ARF3: variants seen among roughly 807,000 people sequenced by gnomAD.
ARF3 encodes the protein ARF GTPase 3, also known as ADP-ribosylation factor 3.
A neutral mutation model predicts 19.3 loss-of-function variants in ARF3; 5 were observed. The observed-to-expected ratio is 0.26, with a 90% CI of 0.14 to 0.54. The LOEUF is 0.54. ARF3 is among the 20% of genes least tolerant of loss of function. The pLI, the probability that ARF3 is intolerant of heterozygous loss-of-function variation, is 0.95. For missense variants in ARF3, 77 were observed against 234.2 expected, an observed-to-expected ratio of 0.33 and a Z score of 4.38; for synonymous variants, 71 against 89.2, an observed-to-expected ratio of 0.80 and a Z score of 1.15.
chr12:48,948,533 C>G (rs888103154), intron 1 of ARF3, among the ~76,000 whole-genome samples: 1 of 152,094 alleles, frequency 6.6e-6, no homozygotes, highest in African/African-American at 2.4e-5. Flanking sequence ...AGAGTACAGG[C>G]AAGGTGTGGT....
At chr12:48,948,364 C>T (rs776430892) in intron 1 of ARF3, among the ~76,000 whole-genome samples, 9 of 151,782 alleles carry the variant, frequency 5.9e-5, no homozygotes, top group Non-Finnish European at 8.8e-5. Context: ...ACTGCCTCAG[C>T]TTCCCCAGTA....
intron 1 of ARF3, among the ~76,000 whole-genome samples, chr12:48,943,731 T>A (rs1940306859): frequency 6.6e-6 from 1 of 152,204 alleles, no homozygotes; most frequent in Non-Finnish European, 1.5e-5. Flanking sequence ...TGAGTGCTTA[T>A]GAAGTGTTTC....
intron 2 of ARF3, among the ~76,000 whole-genome samples, 165 bp downstream of exon 2, chr12:48,940,783 G>C (rs1243657377): frequency 1.3e-5 from 2 of 152,212 alleles, no homozygotes; most frequent in Non-Finnish European, 2.9e-5. Context: ...GCAAACAGCA[G>C]CCTCAGCACC....
At chr12:48,943,943 G>A (rs1242895667) in intron 1 of ARF3, among the ~76,000 whole-genome samples, 3 of 152,202 alleles carry the variant, frequency 2.0e-5, no homozygotes, top group Non-Finnish European at 4.4e-5. Flanking sequence ...CAGGTGGACA[G>A]ACTCCTGAGG....
chr12:48,951,700 A>G (rs954717035), intron 1 of ARF3, among the ~76,000 whole-genome samples: 1 of 151,994 alleles, frequency 6.6e-6, no homozygotes, highest in Non-Finnish European at 1.5e-5. Context: ...ACCAACATGG[A>G]GAAACCCTGT....
Position 48,938,921 on chromosome 12 carries a change from G to A in ARF3, c.*26C>T, listed in dbSNP as rs376753112. Reference sequence around the variant, plus strand: ...CAGTAGGTATGTCAGGGGTGGGTGGGGTGCTTTGTTAGGGCTGTCTGGCTT... The same window carrying A: ...CAGTAGGTATGTCAGGGGTGGGTGGAGTGCTTTGTTAGGGCTGTCTGGCTT... On this transcript the variant is annotated 3_prime_UTR_variant, in exon 5 of 5. Coordinates refer to ENST00000256682, the MANE Select transcript of ARF3 (RefSeq NM_001659.3). The A allele has an allele frequency of 6.2e-5, 100 of 1,606,730 alleles. No individual in the cohort carries two copies. In the African/African-American group the frequency reaches 1.2e-3, roughly 20 times the overall value.
chr12:48,939,504 A>T lies in ARF3; in HGVS notation c.384+151T>A, dbSNP rs1400659857. 1 of 1,004,988 alleles carries T rather than the reference A, an allele frequency of 1.0e-6. No individual in the cohort carries two copies. The highest frequency in any genetic ancestry group is 1.5e-6 in the Non-Finnish European group (1 of 686,606). The allele number at this position is 1,004,988 out of a possible 1,614,324, so 62.3% of individuals were successfully genotyped here. On this transcript the variant is annotated intron_variant, in intron 4 of 4. Transcript: ENST00000256682. This position sits in a 1 kb window ranked among gnomAD's most constrained non-coding sequence, Gnocchi z 4.8. ...ATAAAGCTTGGGGTGGGGCACAAGA[A>T]GAGGGGCATAAAGAAGCCAAGTGCT...
chr12:48,954,633 T>C (rs1348919149), intron 1 of ARF3, among the ~76,000 whole-genome samples: 2 of 152,220 alleles, frequency 1.3e-5, no homozygotes, highest in Non-Finnish European at 2.9e-5. Context: ...AACTGGTAAT[T>C]AGCAGAAGCA....
At position 48,938,366 on chromosome 12, in the gene ARF3, G is replaced by A. The variant is rs963223686; in HGVS notation, c.*581C>T. 6.6e-6 allele frequency: 3 copies of A among 454,226 alleles called. No homozygotes were observed. The highest frequency in any genetic ancestry group is 6.0e-5 in the African/African-American group (3 of 50,018). 28.1% of individuals were successfully genotyped at this position (454,226 alleles called of 1,614,324 possible). The stretch of plus-strand genomic sequence containing the variant: ...TAATCTCACCAACACGGAAGGGGCA[G>A]ATGACAGGCTCCAGTGGGCAGTGTC... On this transcript the variant is annotated 3_prime_UTR_variant, in exon 5 of 5. Transcript: ENST00000256682.
intron 1 of ARF3, among the ~76,000 whole-genome samples, chr12:48,954,223 C>A (rs1451150467): frequency 1.3e-5 from 2 of 152,200 alleles, no homozygotes; most frequent in Non-Finnish European, 2.9e-5. Flanking sequence ...GCTTCACCTC[C>A]CACTCAGGCA....
Position 48,939,960 on chromosome 12 carries a change from C to T in ARF3, c.259+37G>A. 6.2e-7 allele frequency: 1 copy of T among 1,602,688 alleles called. No homozygotes were observed. ...TTAACAAAGACAGCCACACTCTCTG[C>T]TCATACCCAACCAACCCACGCTAGG... On this transcript the variant is annotated intron_variant, in intron 3 of 4. Coordinates refer to ENST00000256682, the MANE Select transcript of ARF3 (RefSeq NM_001659.3). The surrounding 1 kb of genome is among the most constrained non-coding windows in gnomAD (Gnocchi z 4.8).
At chr12:48,943,061 C>T (rs761600165) in intron 1 of ARF3, among the ~76,000 whole-genome samples, 5 of 152,290 alleles carry the variant, frequency 3.3e-5, no homozygotes, top group Non-Finnish European at 5.9e-5. Context: ...GAGCCGAGAT[C>T]ACGCCACTGC....
At chr12:48,942,640 G>A (rs938303420) in intron 1 of ARF3, among the ~76,000 whole-genome samples, 8 of 152,100 alleles carry the variant, frequency 5.3e-5, no homozygotes, top group African/African-American at 7.2e-5. Context: ...GTTTTATTCT[G>A]CCTAAGATAT....
At chr12:48,953,254 T>C (rs1940499435) in intron 1 of ARF3, 2 of 152,144 alleles carry the variant, frequency 1.3e-5, no homozygotes, top group African/African-American at 2.4e-5. Context: ...ATGGTTTCCA[T>C]GTCCTCAGAG....
chr12:48,941,136 A>C lies in ARF3; in HGVS notation c.-41T>G. 1 of 1,588,730 alleles carries C rather than the reference A, an allele frequency of 6.3e-7. No individual in the cohort carries two copies. Among genetic ancestry groups the C allele is most frequent in the South Asian group, 1.1e-5 (1 of 87,798 alleles). ...TTTCTGGGGACAGTGGGGCCCAAGT[A>C]GGGGCAGTGGCAGTCTGGTTTTGGC... On this transcript the variant is annotated 5_prime_UTR_variant, in exon 2 of 5. Transcript: ENST00000256682.
intron 1 of ARF3, among the ~76,000 whole-genome samples, chr12:48,950,310 T>G (rs1370744731): frequency 6.7e-6 from 1 of 150,286 alleles, no homozygotes; most frequent in East Asian, 2.0e-4. Flanking sequence ...ATCCTCCCAC[T>G]TCAGCCTCTG....
At chr12:48,952,420 C>T (rs1948022718) in intron 1 of ARF3, among the ~76,000 whole-genome samples, 1 of 152,164 alleles carries the variant, frequency 6.6e-6, no homozygotes, top group African/African-American at 2.4e-5. Flanking sequence ...TGGTACTGCC[C>T]TCTGCCCAAA....
chr12:48,941,118 G>A lies in ARF3; in HGVS notation c.-23C>T. The A allele has an allele frequency of 6.2e-7, 1 of 1,601,286 alleles. No individual in the cohort carries two copies. The highest frequency in any genetic ancestry group is 8.5e-7 in the Non-Finnish European group (1 of 1,172,672). ...CATGATCACAGCAGCTGCTTTCTGG[G>A]GACAGTGGGGCCCAAGTAGGGGCAG... is the stretch of plus-strand genomic sequence containing the variant. On this transcript the variant is annotated 5_prime_UTR_variant, in exon 2 of 5. Coordinates refer to ENST00000256682, the MANE Select transcript of ARF3 (RefSeq NM_001659.3).
chr12:48,948,052 A>T (rs1447634244), intron 1 of ARF3, among the ~76,000 whole-genome samples: 1 of 151,790 alleles, frequency 6.6e-6, no homozygotes, highest in Non-Finnish European at 1.5e-5. Context: ...CAAAAAAAAA[A>T]AAAAAAGCTG....
Sources: gnomAD v4.1 joint callset for allele counts (sites outside exome capture counted in the v4.1 genomes callset) on GRCh38, gnomAD v4.1.1 for gene constraint, Gnocchi (gnomAD v3.1) non-coding constraint, MANE v1.5 for transcripts, NCBI Gene and HGNC (gene_info 2026-07-23, HGNC 2026-07-21) for gene names.